The following ZFYVE16 variants were observed in gnomAD, a reference collection of about 807,000 sequenced individuals.
ZFYVE16 encodes zinc finger FYVE domain-containing protein 16.
ZFYVE16 carries 89 observed loss-of-function variants against 138.1 expected under a neutral mutation model. The ratio of observed to expected loss-of-function variants is 0.64; its 90% CI spans 0.54 to 0.77. The LOEUF (loss-of-function observed/expected upper bound fraction) is 0.77, where lower values mean the gene tolerates loss of function less well. ZFYVE16 is among the 30% of genes least tolerant of loss of function. The pLI is 0.00. For missense variants in ZFYVE16, 1,793 were observed against 1,786.7 expected (o/e 1.00, Z -0.06); for synonymous variants, 596 against 618.3 (o/e 0.96, Z 0.53).
rs1580366310 is a variant in ZFYVE16 at position 80,471,572 on chromosome 5, AT to A, written c.4025-1188del. 9.2e-5 allele frequency among the ~76,000 whole-genome samples: 14 copies of A among 152,264 alleles called. No homozygotes were observed. The East Asian group carries it at 2.7e-3, about 29-fold the overall frequency. Reference sequence around the variant, plus strand: ...TAATAAATGCTGGTATATCCAGTGCATCGTTGGCACCACGGGACCAGAAGGC... The same window carrying A: ...TAATAAATGCTGGTATATCCAGTGCACGTTGGCACCACGGGACCAGAAGGC... On this transcript the variant is annotated intron_variant, in intron 15 of 18. Coordinates refer to ENST00000505560, the MANE Select transcript of ZFYVE16 (RefSeq NM_001284236.3).
At chr5:80,466,806 T>C (rs548037419) in intron 15 of ZFYVE16, among the ~76,000 whole-genome samples, 1 of 152,320 alleles carries the variant, frequency 6.6e-6, no homozygotes, top group South Asian at 2.1e-4. Context: ...AGCAACTCTT[T>C]CAGAACTCTG....
rs1323747670 is a variant in ZFYVE16 at position 80,439,025 on chromosome 5, T to G, written c.2322+18T>G. The G allele has an allele frequency of 1.3e-6, 2 of 1,585,802 alleles. No individual in the cohort carries two copies. The highest frequency in any genetic ancestry group is 1.1e-5 in the South Asian group (1 of 87,108). On this transcript the variant is annotated intron_variant, in intron 4 of 18. Coordinates refer to ENST00000505560, the MANE Select transcript of ZFYVE16 (RefSeq NM_001284236.3). ...GTGGGAAAGTAAGTTATAAAAATCT[T>G]TTAAGTCTTTTGTTCTTTTGAGACA...
At chr5:80,459,303 G>T in intron 14 of ZFYVE16, 111 bp from the exon 15 acceptor site, 1 of 695,490 alleles carries the variant, frequency 1.4e-6, no homozygotes, top group South Asian at 2.5e-5. Context: ...TAAGTTGTGT[G>T]GGTATAACAT....
chr5:80,475,680 CTTTT>C (rs1233868017), intron 18 of ZFYVE16, among the ~76,000 whole-genome samples: 1 of 152,080 alleles, frequency 6.6e-6, no homozygotes, highest in African/African-American at 2.4e-5. Flanking sequence ...AGCAGACATT[CTTTT>C]TTAACAGCGG....
chr5:80,437,669 C>T lies in ZFYVE16; in HGVS notation c.984C>T (p.Asp328=). The T allele has an allele frequency of 6.2e-7, 1 of 1,612,044 alleles. No individual in the cohort carries two copies. Among genetic ancestry groups the T allele is most frequent in the Non-Finnish European group, 8.5e-7 (1 of 1,179,376 alleles). Residue 328 remains aspartate (D), a synonymous_variant, in exon 4 of 19, where the codon GAC becomes GAT. Coordinates refer to ENST00000505560, the MANE Select transcript of ZFYVE16 (RefSeq NM_001284236.3). ...GAGATGAAAATTTCAAATTACCTGA[C>T]TTTTCCTTTCAGGAAGATAAGACTG... ...NSRDENFKLP[D]FSFQEDKTVI...
At chr5:80,433,197 T>A (rs570854353) in intron 2 of ZFYVE16, among the ~76,000 whole-genome samples, 6 of 152,212 alleles carry the variant, frequency 3.9e-5, no homozygotes, top group South Asian at 4.1e-4. Flanking sequence ...CAAATGTCCA[T>A]CAATGATAGA....
intron 5 of ZFYVE16, chr5:80,442,904 A>C (rs1011316201): frequency 2.1e-6 from 1 of 467,604 alleles, no homozygotes; most frequent in East Asian, 4.0e-5. Context: ...ATAATATTGA[A>C]ATAACTTATT....
intron 1 of ZFYVE16, among the ~76,000 whole-genome samples, chr5:80,419,802 G>A (rs1746816181): frequency 1.4e-5 from 2 of 145,728 alleles, no homozygotes; most frequent in African/African-American, 4.9e-5. Context: ...CATGTCTTTG[G>A]TTTTTTTTTG....
chr5:80,456,888 G>A (rs563066601), intron 13 of ZFYVE16, 57 bp from the exon 14 acceptor site: 4 of 1,529,018 alleles, frequency 2.6e-6, no homozygotes, highest in Non-Finnish European at 3.5e-6. Context: ...TCTTAGAATA[G>A]GCATATAATA....
At chr5:80,445,187 A>G (rs1213298447) in intron 6 of ZFYVE16, 76 bp from the exon 7 acceptor site, 38 of 1,535,686 alleles carry the variant, frequency 2.5e-5, no homozygotes, top group Non-Finnish European at 3.1e-5. Flanking sequence ...TTTTGAAAAC[A>G]TTTCACAATC....
chr5:80,474,894 C>T, intron 18 of ZFYVE16, 64 bp downstream of exon 18: 1 of 1,526,156 alleles, frequency 6.6e-7, no homozygotes. Context: ...AGTTTTTCTT[C>T]AACCTTTTAT....
In ZFYVE16 at chr5:80,438,758, A is replaced by C; in HGVS notation, c.2073A>C (p.Ile691=). Residue 691 remains isoleucine (I), a synonymous_variant, in exon 4 of 19, where the codon ATA becomes ATC. Transcript: ENST00000505560. The part of the protein sequence containing the change: ...ADTVVPITCA[I]DSTADPQVSF... ...CCGTTGTTCCAATCACTTGTGCTAT[A>C]GATTCTACAGCTGATCCACAGGTTA... 1 of 1,614,138 alleles carries C rather than the reference A, an allele frequency of 6.2e-7. No individual in the cohort carries two copies. The highest frequency in any genetic ancestry group is 8.5e-7 in the Non-Finnish European group (1 of 1,179,982).
In ZFYVE16 at chr5:80,450,291, A is replaced by C. The variant is rs192000291; in HGVS notation, c.3227-140A>C. 1.6e-4 allele frequency: 120 copies of C among 742,116 alleles called. No homozygotes were observed. In the African/African-American group the frequency reaches 2.1e-3, roughly 13 times the overall value. 46.0% of individuals were successfully genotyped at this position (742,116 alleles called of 1,614,324 possible). A position where few individuals can be genotyped will look rare whatever the true frequency, so the allele number is the denominator to read the frequency against. ...TTCTTACTTTATATAAATCTTATAC[A>C]ATTCAATTTAAGGTTTTCATAAGGA... On this transcript the variant is annotated intron_variant, in intron 9 of 18. Coordinates refer to ENST00000505560, the MANE Select transcript of ZFYVE16 (RefSeq NM_001284236.3).
At chr5:80,446,408 ATATTT>A in intron 7 of ZFYVE16, among the ~76,000 whole-genome samples, 1 of 152,326 alleles carries the variant, frequency 6.6e-6, no homozygotes, top group African/African-American at 2.4e-5. Flanking sequence ...AGCAGAAATA[ATATTT>A]TATGAAAAAT....
chr5:80,430,700 A>T (rs1276008479), intron 2 of ZFYVE16, among the ~76,000 whole-genome samples: 1 of 152,216 alleles, frequency 6.6e-6, no homozygotes, highest in Non-Finnish European at 1.5e-5. Flanking sequence ...AGCAAGACTG[A>T]TAAAGAACAA....
intron 14 of ZFYVE16, among the ~76,000 whole-genome samples, chr5:80,459,033 C>T (rs1368473102): frequency 2.0e-5 from 3 of 152,178 alleles, no homozygotes; most frequent in Admixed American, 2.0e-4. Context: ...TGAGTTCCAG[C>T]AATTCTGCCT....
chr5:80,439,733 A>T (rs1395844639), intron 4 of ZFYVE16, among the ~76,000 whole-genome samples: 2 of 152,188 alleles, frequency 1.3e-5, no homozygotes, highest in African/African-American at 2.4e-5. Context: ...TATCAGAAAT[A>T]TGGTATCAAA....
intron 9 of ZFYVE16, 101 bp downstream of exon 9, chr5:80,449,814 C>A: frequency 7.6e-7 from 1 of 1,319,832 alleles, no homozygotes; most frequent in Non-Finnish European, 1.0e-6. Flanking sequence ...GAAAAATAAG[C>A]AGGATTGGAT....
Position 80,451,566 on chromosome 5 carries a change from T to C in ZFYVE16, c.3464T>C (p.Ile1155Thr). Residue 1155 changes from isoleucine to threonine, a missense_variant, in exon 11 of 19, where the codon ATT becomes ACT. Ile to Thr is a moderately conservative substitution (Grantham distance 89). Coordinates refer to ENST00000505560, the MANE Select transcript of ZFYVE16 (RefSeq NM_001284236.3). ...AAGGATCACGGAGGATTCCTGTTTA[T>C]TACACCTACTTTTCAGAAACTTGAT... The part of the protein sequence containing the change: ...SSKDHGGFLF[I>T]TPTFQKLDDL... 1.2e-6 allele frequency: 2 copies of C among 1,613,958 alleles called. No individual in the cohort carries two copies.
Sources: gnomAD v4.1 joint callset for allele counts (sites outside exome capture counted in the v4.1 genomes callset) on GRCh38, gnomAD v4.1.1 for gene constraint, MANE v1.5 for transcripts, NCBI Gene and HGNC (gene_info 2026-07-23, HGNC 2026-07-21) for gene names.